VAV1: variants seen among roughly 807,000 people sequenced by gnomAD.
The protein encoded by VAV1 is vav guanine nucleotide exchange factor 1.
A neutral mutation model predicts 128.1 loss-of-function variants in VAV1; 33 were observed. The observed-to-expected ratio is 0.26, with a 90% CI of 0.20 to 0.34. The LOEUF is 0.34. VAV1 is among the 10% of genes least tolerant of loss of function. The pLI, the probability that VAV1 is intolerant of heterozygous loss-of-function variation, is 1.00. For synonymous variants in VAV1, 394 were observed against 409.8 expected, an observed-to-expected ratio of 0.96 and a Z score of 0.47; for missense variants, 715 against 1,093.7, an observed-to-expected ratio of 0.65 and a Z score of 4.88.
intron 22 of VAV1, among the ~76,000 whole-genome samples, chr19:6,844,139 T>TA (rs1972459282): frequency 2.2e-5 from 3 of 136,378 alleles, no homozygotes; most frequent in Non-Finnish European, 4.7e-5. Flanking sequence ...GTGAATTACT[T>TA]AATGTCACAT....
intron 1 of VAV1, among the ~76,000 whole-genome samples, chr19:6,779,294 C>G (rs922414393): frequency 6.6e-6 from 1 of 150,414 alleles, no homozygotes; most frequent in Non-Finnish European, 1.5e-5. Context: ...TCAAGCAATT[C>G]CTCCCGCCTT....
At chr19:6,848,406 T>C (rs1051832016) in intron 23 of VAV1, among the ~76,000 whole-genome samples, 37 of 141,652 alleles carry the variant, frequency 2.6e-4, no homozygotes, top group Non-Finnish European at 6.1e-5. Flanking sequence ...CTTTTTTTCT[T>C]TTCTTTTCTT....
intron 1 of VAV1, among the ~76,000 whole-genome samples, chr19:6,787,946 G>A (rs750009405): frequency 8.6e-5 from 13 of 151,852 alleles, no homozygotes; most frequent in Admixed American, 5.9e-4. Context: ...GTGTGGTGAC[G>A]GGCACCTGTA....
rs372380267 is a variant in VAV1 at position 6,828,460 on chromosome 19, C to T, written c.1065C>T (p.Asn355=). 27 of 1,614,172 alleles carry T rather than the reference C, an allele frequency of 1.7e-5. No homozygotes were observed. The East Asian group carries it at 2.2e-4, about 13-fold the overall frequency. ...KHTQEAMEKE[N]LRLALDAMRD... is the part of the protein sequence containing the mutation. ...CGCAGGAGGCGATGGAGAAGGAGAA[C>T]CTGCGGCTGGCCCTGGATGCCATGA... Residue 355 remains asparagine (N), a synonymous_variant, in exon 11 of 27, where the codon AAC becomes AAT. Transcript: ENST00000602142. The surrounding 1 kb of genome is among the most constrained non-coding windows in gnomAD (Gnocchi z 4.5).
intron 19 of VAV1, chr19:6,835,917 G>A (rs7249395): frequency 0.024 from 3,714 of 152,446 alleles, 168 homozygotes; most frequent in African/African-American, 0.085. Context: ...CATCGCCCAG[G>A]CTGGAGTGCA....
chr19:6,842,682 A>T (rs1013933974), intron 21 of VAV1, among the ~76,000 whole-genome samples: 1 of 152,036 alleles, frequency 6.6e-6, no homozygotes, highest in Admixed American at 6.6e-5. Flanking sequence ...TAAAAAAATT[A>T]AAAATTAGCG....
intron 22 of VAV1, among the ~76,000 whole-genome samples, chr19:6,843,789 C>T (rs941447765): frequency 1.1e-4 from 16 of 151,958 alleles, no homozygotes; most frequent in African/African-American, 3.6e-4. Context: ...CTCATTTAAT[C>T]TGTTCTAAGA....
chr19:6,790,316 C>G (rs934131681), intron 1 of VAV1, among the ~76,000 whole-genome samples: 1 of 152,194 alleles, frequency 6.6e-6, no homozygotes, highest in Non-Finnish European at 1.5e-5. Context: ...ACAGTTAATA[C>G]TTTTCTGAGT....
chr19:6,809,210 A>T (rs141389450), intron 1 of VAV1, among the ~76,000 whole-genome samples: 27 of 152,102 alleles, frequency 1.8e-4, no homozygotes, highest in African/African-American at 6.3e-4. Context: ...AGTAGCTGGA[A>T]CTATAGGCAT....
intron 26 of VAV1, among the ~76,000 whole-genome samples, chr19:6,856,655 T>C (rs913408979): frequency 1.5e-5 from 2 of 137,060 alleles, no homozygotes; most frequent in African/African-American, 5.6e-5. Flanking sequence ...ACCCGGGAGG[T>C]GGAGGTTGCA....
At chr19:6,792,973 G>A (rs1396019111) in intron 1 of VAV1, among the ~76,000 whole-genome samples, 1 of 152,150 alleles carries the variant, frequency 6.6e-6, no homozygotes, top group African/African-American at 2.4e-5. Context: ...GACTCCAGTT[G>A]TGTGGGGGGT....
Position 6,828,081 on chromosome 19 carries a change from T to C in VAV1, c.933T>C (p.Cys311=). 6.2e-7 allele frequency: 1 copy of C among 1,614,164 alleles called. No homozygotes were observed. The highest frequency in any genetic ancestry group is 1.3e-5 in the African/African-American group (1 of 75,058). The change falls in exon 10 of 27, where the codon TGT becomes TGC. Residue 311 remains cysteine, a synonymous_variant. Coordinates refer to ENST00000602142, the MANE Select transcript of VAV1 (RefSeq NM_005428.4). This position sits in a 1 kb window ranked among gnomAD's most constrained non-coding sequence, Gnocchi z 4.5. ...ATTGTTCTCTGATTCCCCAGGAATG[T>C]TCTCAGAGAGCCAACAACGGGAGGT... ...REDVQMKLEE[C]SQRANNGRFT... is the part of the protein sequence containing the mutation.
chr19:6,835,787 T>G (rs1388876798), intron 19 of VAV1: 2 of 152,324 alleles, frequency 1.3e-5, no homozygotes, highest in African/African-American at 2.4e-5. Flanking sequence ...ATCAACCTAT[T>G]GAGGACATTT....
At chr19:6,837,270 T>C (rs557452943) in intron 21 of VAV1, among the ~76,000 whole-genome samples, 55 of 152,320 alleles carry the variant, frequency 3.6e-4, no homozygotes, top group South Asian at 1.4e-3. Context: ...CATTTTTGTG[T>C]AAAGGTCCTT....
In VAV1 at chr19:6,822,718, A is replaced by AT. The variant is rs1335613845; in HGVS notation, c.654+204_654+205insT. Among the ~76,000 whole-genome samples, 8 of 148,828 alleles carry AT rather than the reference A, an allele frequency of 5.4e-5. No homozygotes were observed. The highest frequency in any genetic ancestry group is 1.3e-4 in the Admixed American group (2 of 14,910). On this transcript the variant is annotated intron_variant, in intron 6 of 26. Transcript: ENST00000602142. This position sits in a 1 kb window ranked among gnomAD's most constrained non-coding sequence, Gnocchi z 5.9. ...AGTCTGACGTATATATATATTAAAA[A>AT]ATATATATAAAATATAGGACACTGC...
chr19:6,795,553 C>A (rs1352950206), intron 1 of VAV1, among the ~76,000 whole-genome samples: 2 of 151,964 alleles, frequency 1.3e-5, no homozygotes, highest in Non-Finnish European at 2.9e-5. Context: ...TTGATGGGAG[C>A]TGTCAATATT....
intron 1 of VAV1, among the ~76,000 whole-genome samples, chr19:6,818,015 C>T (rs182470470): frequency 1.6e-4 from 24 of 152,196 alleles, no homozygotes; most frequent in Non-Finnish European, 2.8e-4. Context: ...AATGGGATCT[C>T]ATTATGTGGC....
intron 14 of VAV1, among the ~76,000 whole-genome samples, chr19:6,831,853 AGTGTGTGT>A (rs112497070): frequency 3.4e-5 from 5 of 146,552 alleles, no homozygotes; most frequent in South Asian, 2.2e-4. Flanking sequence ...TGCAAAGGGG[AGTGTGTGT>A]GTGTGTGTGT....
chr19:6,802,062 C>T lies in VAV1; in HGVS notation c.205-18640C>T, dbSNP rs112387780. 3.8e-3 allele frequency among the ~76,000 whole-genome samples: 575 copies of T among 152,068 alleles called. 4 individuals are homozygous for T. Among genetic ancestry groups the T allele is most frequent in the African/African-American group, 0.013 (549 of 41,424 alleles). On this transcript the variant is annotated intron_variant, in intron 1 of 26. Coordinates refer to ENST00000602142, the MANE Select transcript of VAV1 (RefSeq NM_005428.4). Reference sequence around the variant, plus strand: ...GCCTCTCCTACGTTTGTTTAAAGGACCATCATTCTCAGCAAACTATAGCAA... The same window carrying T: ...GCCTCTCCTACGTTTGTTTAAAGGATCATCATTCTCAGCAAACTATAGCAA...
Sources: allele counts gnomAD v4.1 joint callset (sites outside exome capture counted in the v4.1 genomes callset), GRCh38; gene constraint gnomAD v4.1.1; non-coding constraint Gnocchi (gnomAD v3.1); transcripts MANE v1.5; gene names NCBI Gene and HGNC (gene_info 2026-07-23, HGNC 2026-07-21).